GPLD1: variants seen among roughly 807,000 people sequenced by gnomAD.
The protein encoded by GPLD1 is glycosylphosphatidylinositol specific phospholipase D1.
Under a neutral mutation model 112.6 loss-of-function variants are expected in GPLD1, and 84 were observed. That is an observed-to-expected ratio of 0.75 (90% confidence interval 0.63 to 0.89). The LOEUF (loss-of-function observed/expected upper bound fraction) is 0.89. Ranked by LOEUF, GPLD1 falls within the 40% of genes least tolerant of loss-of-function variation. The pLI, the probability that GPLD1 is intolerant of heterozygous loss-of-function variation, is 0.00. For synonymous variants in GPLD1, 386 were observed against 403.8 expected, an observed-to-expected ratio of 0.96 and a Z score of 0.53; for missense variants, 1,044 against 1,051.5, an observed-to-expected ratio of 0.99 and a Z score of 0.10.
intron 11 of GPLD1, among the ~76,000 whole-genome samples, chr6:24,462,373 G>A (rs1405530199): frequency 1.3e-5 from 2 of 151,908 alleles, no homozygotes; most frequent in Non-Finnish European, 2.9e-5. Flanking sequence ...GGACTTAAGG[G>A]ATCCTCCTGC....
chr6:24,453,880 C>A, intron 14 of GPLD1, 135 bp downstream of exon 14: 1 of 628,412 alleles, frequency 1.6e-6, no homozygotes, highest in Non-Finnish European at 2.8e-6. Context: ...CTAAAAAGTG[C>A]TTCACAAATG....
At chr6:24,436,278 A>G (rs1762576522) in intron 22 of GPLD1, among the ~76,000 whole-genome samples, 1 of 152,176 alleles carries the variant, frequency 6.6e-6, no homozygotes, top group Non-Finnish European at 1.5e-5. Context: ...AGAAACTCCA[A>G]TGGCCATGGC....
Position 24,479,396 on chromosome 6 carries a change from T to C in GPLD1, c.232+485A>G, listed in dbSNP as rs114598722. 2.2e-3 allele frequency among the ~76,000 whole-genome samples: 336 copies of C among 152,336 alleles called. 1 individual carries two copies. The highest frequency in any genetic ancestry group is 7.4e-3 in the African/African-American group (307 of 41,580). On this transcript the variant is annotated intron_variant, in intron 3 of 24. Transcript: ENST00000230036. ...GTTTCTTTCCTCTTTCTTTAACTCT[T>C]ACAAATAATAGTATCTGCGATTTGC... is the stretch of plus-strand genomic sequence containing the variant.
At chr6:24,469,520 T>A (rs945239459) in intron 7 of GPLD1, among the ~76,000 whole-genome samples, 2 of 93,586 alleles carry the variant, frequency 2.1e-5, no homozygotes, top group African/African-American at 8.3e-5. Context: ...CAGTAAACTA[T>A]CGCAAGAACA....
intron 20 of GPLD1, among the ~76,000 whole-genome samples, chr6:24,442,108 A>C (rs1762766764): frequency 1.3e-5 from 2 of 150,258 alleles, no homozygotes; most frequent in African/African-American, 4.9e-5. Context: ...AGTTATAATT[A>C]AACTTATTTT....
At chr6:24,494,842 G>A (rs994892768) in intron 1 of GPLD1, 47 of 838,124 alleles carry the variant, frequency 5.6e-5, no homozygotes, top group African/African-American at 4.6e-4. Flanking sequence ...GCGGAGAGAG[G>A]GCGCTGCTCT....
chr6:24,455,282 G>A lies in GPLD1; in HGVS notation c.1149-1081C>T, dbSNP rs192881109. ...CTGCCAGCCCAGCAGGAGGCCTTTC[G>A]GATCTTTCAGGGAGGTAGCCATACA... On this transcript the variant is annotated intron_variant, in intron 13 of 24. Coordinates refer to ENST00000230036, the MANE Select transcript of GPLD1 (RefSeq NM_001503.4). 7.2e-4 allele frequency among the ~76,000 whole-genome samples: 110 copies of A among 152,292 alleles called. 1 individual carries two copies. The East Asian group carries it at 0.014, about 20-fold the overall frequency.
chr6:24,439,949 C>CT (rs1267999768), intron 20 of GPLD1, among the ~76,000 whole-genome samples: 2 of 152,122 alleles, frequency 1.3e-5, no homozygotes, highest in Non-Finnish European at 2.9e-5. Context: ...GCACTAGTCC[C>CT]TAGGGTTGTG....
intron 2 of GPLD1, among the ~76,000 whole-genome samples, chr6:24,485,064 C>G (rs140839170): frequency 1.3e-5 from 2 of 152,188 alleles, no homozygotes; most frequent in African/African-American, 4.8e-5. Context: ...GAGTCATGAG[C>G]TAGTCCTACC....
chr6:24,432,364 G>A (rs2127311399), intron 24 of GPLD1, among the ~76,000 whole-genome samples: 1 of 152,038 alleles, frequency 6.6e-6, no homozygotes, highest in South Asian at 2.1e-4. Context: ...TTGGAAGGCA[G>A]AGGCAGGCAG....
intron 13 of GPLD1, among the ~76,000 whole-genome samples, chr6:24,454,580 G>T (rs1763205653): frequency 6.6e-6 from 1 of 152,212 alleles, no homozygotes; most frequent in Non-Finnish European, 1.5e-5. Context: ...TTTCTGATCT[G>T]CTCAATTCGT....
chr6:24,451,892 G>A (rs942908387), intron 14 of GPLD1, among the ~76,000 whole-genome samples: 9 of 152,178 alleles, frequency 5.9e-5, no homozygotes, highest in Admixed American at 2.0e-4. Flanking sequence ...TGCCAGCTGA[G>A]GACTGGTTCA....
chr6:24,465,534 C>CAT (rs566896496), intron 10 of GPLD1, among the ~76,000 whole-genome samples: 150 of 151,564 alleles, frequency 9.9e-4, no homozygotes, highest in Middle Eastern at 3.4e-3. Context: ...AACAAGACCC[C>CAT]ATCTCAAAAA....
At chr6:24,455,126 T>G (rs1224882682) in intron 13 of GPLD1, among the ~76,000 whole-genome samples, 1 of 152,184 alleles carries the variant, frequency 6.6e-6, no homozygotes. Context: ...GAGCAGTTGT[T>G]TAAGGCTGTG....
Position 24,454,104 on chromosome 6 carries a change from C to T in GPLD1, c.1246G>A (p.Val416Met), listed in dbSNP as rs771621329. The T allele has an allele frequency of 3.7e-6, 6 of 1,613,980 alleles. No individual in the cohort carries two copies. The highest frequency in any genetic ancestry group is 2.2e-5 in the South Asian group (2 of 91,072). ...AGGTCATTGCCGTAGATGAGGTACA[C>T]GCGCCCGATGTGGATGTGGCCGGGG... is the stretch of plus-strand genomic sequence containing the variant. ...SRPGHIHIGR[V>M]YLIYGNDLGL... Residue 416 changes from valine (V) to methionine (M), a missense_variant, in exon 14 of 25, where the codon GTG (valine) becomes ATG (methionine). Val to Met is a conservative substitution (Grantham distance 21, BLOSUM62 1). Transcript: ENST00000230036.
At chr6:24,492,610 G>A (rs1433560881), upstream of GPLD1, among the ~76,000 whole-genome samples, 1 of 151,988 alleles carries the variant, frequency 6.6e-6, no homozygotes, top group African/African-American at 2.4e-5. Context: ...CAGGACAAGG[G>A]CAGCCAAAGG....
At chr6:24,459,448 G>T (rs904536857) in intron 12 of GPLD1, among the ~76,000 whole-genome samples, 7 of 122,640 alleles carry the variant, frequency 5.7e-5, no homozygotes, top group African/African-American at 2.0e-4. Context: ...GTAGAGACAG[G>T]GTCTCATTAT....
chr6:24,476,491 A>G (rs575871079), intron 3 of GPLD1, among the ~76,000 whole-genome samples: 1 of 152,186 alleles, frequency 6.6e-6, no homozygotes, highest in Admixed American at 6.5e-5. Flanking sequence ...TGATGACTAA[A>G]AAGAGCCCTA....
intron 12 of GPLD1, among the ~76,000 whole-genome samples, chr6:24,458,097 T>C (rs1486536784): frequency 1.3e-5 from 2 of 150,808 alleles, no homozygotes; most frequent in African/African-American, 2.4e-5. Flanking sequence ...GGCCAGATAC[T>C]AGATCCATCC....
Sources: allele counts gnomAD v4.1 joint callset (sites outside exome capture counted in the v4.1 genomes callset), GRCh38; gene constraint gnomAD v4.1.1; transcripts MANE v1.5; gene names NCBI Gene and HGNC (gene_info 2026-07-23, HGNC 2026-07-21).